CELSR1: variants seen among roughly 807,000 people sequenced by gnomAD.
CELSR1 encodes the protein cadherin EGF LAG seven-pass G-type receptor 1, also known as adhesion G protein-coupled receptor C1.
A neutral mutation model predicts 249.1 loss-of-function variants in CELSR1; 110 were observed. The observed-to-expected ratio is 0.44, with a 90% CI of 0.38 to 0.52. The LOEUF (loss-of-function observed/expected upper bound fraction) is 0.52. Among genes scored for constraint, CELSR1 ranks in the 20% least tolerant of loss-of-function variants. The pLI is 0.00. For missense variants in CELSR1, 4,109 were observed against 4,296.4 expected (o/e 0.96, Z 1.22); for synonymous variants, 2,113 against 1,900.0 (o/e 1.11, Z -2.92).
In CELSR1 at chr22:46,454,096, G is replaced by A. The variant is rs2079917716; in HGVS notation, c.4183+9611C>T. On this transcript the variant is annotated intron_variant, in intron 2 of 34. Transcript: ENST00000674500. This position sits in a 1 kb window ranked among gnomAD's most constrained non-coding sequence, Gnocchi z 5.1. The stretch of plus-strand genomic sequence containing the variant: ...TCACAAGGCTCCTTGTAAGCGGTGG[G>A]AGGGTGAGGGGCAGAAGGTGCTAGT... 6.6e-6 allele frequency among the ~76,000 whole-genome samples: 1 copy of A among 152,316 alleles called. No individual in the cohort carries two copies. Among genetic ancestry groups the A allele is most frequent in the Non-Finnish European group, 1.5e-5 (1 of 68,030 alleles).
At position 46,384,620 on chromosome 22, in the gene CELSR1, A is replaced by T; in HGVS notation, c.6806T>A (p.Ile2269Asn). Residue 2269 changes from isoleucine (I) to asparagine (N), a missense_variant, in exon 20 of 35, where the codon ATC becomes AAC. Around this residue, in one of 7 missense-constraint regions of CELSR1, gnomAD observed 1,805 missense variants for 1,831.6 expected, o/e 0.99. Coordinates refer to ENST00000674500, the MANE Select transcript of CELSR1 (RefSeq NM_001378328.1). ...CAGCTCCCTGGGGAACTCTTCATGGATGGTGTCGAATCGCGGGACCCTGGC... is the reference window on the plus strand; with the variant it reads ...CAGCTCCCTGGGGAACTCTTCATGGTTGGTGTCGAATCGCGGGACCCTGGC... Reference protein sequence around the residue: ...TGARVPRFDTIHEEFPRELES... With the variant: ...TGARVPRFDTNHEEFPRELES... The T allele has an allele frequency of 6.2e-7, 1 of 1,613,804 alleles. No homozygotes were observed. The highest frequency in any genetic ancestry group is 8.5e-7 in the Non-Finnish European group (1 of 1,179,874).
intron 1 of CELSR1, among the ~76,000 whole-genome samples, chr22:46,523,518 ACT>A (rs2080706389): frequency 7.0e-6 from 1 of 143,814 alleles, no homozygotes; most frequent in Admixed American, 7.2e-5. Context: ...CCAGAGTGAG[ACT>A]CTGTCTCAAA....
chr22:46,491,171 C>G (rs1053265163), intron 1 of CELSR1, among the ~76,000 whole-genome samples: 19 of 133,422 alleles, frequency 1.4e-4, no homozygotes, highest in African/African-American at 3.1e-5. Flanking sequence ...CTGTGACAAC[C>G]GAAACATCTC....
rs1411077288 is a variant in CELSR1 at position 46,437,333 on chromosome 22, G to A, written c.4407-1044C>T. Among the ~76,000 whole-genome samples, 1 of 152,178 alleles carries A rather than the reference G, an allele frequency of 6.6e-6. No homozygotes were observed. The highest frequency in any genetic ancestry group is 1.9e-4 in the East Asian group (1 of 5,188). On this transcript the variant is annotated intron_variant, in intron 3 of 34. Coordinates refer to ENST00000674500, the MANE Select transcript of CELSR1 (RefSeq NM_001378328.1). The surrounding 1 kb of genome is among the most constrained non-coding windows in gnomAD (Gnocchi z 4.9). ...TGGGACTGGCTCCTGAGCTGGCTGG[G>A]TGTCTCCACCATCAGAGATACACGG...
intron 18 of CELSR1, among the ~76,000 whole-genome samples, chr22:46,388,709 T>C (rs1435574748): frequency 6.6e-6 from 1 of 152,178 alleles, no homozygotes; most frequent in Non-Finnish European, 1.5e-5. Context: ...AGTTTCCAAA[T>C]ATCAGGCTGC....
Position 46,533,850 on chromosome 22 carries a change from G to A in CELSR1, c.3321C>T (p.Leu1107=), listed in dbSNP as rs754982415. ...ACTTGTTGGTGACATAGTTGTTGAA[G>A]AGGATCTGGAAGTCGGGCAGCACAG... ...NPPVLPDFQI[L]FNNYVTNKSN... The change falls in exon 1 of 35, where the codon CTC becomes CTT. Residue 1107 remains leucine (L), a synonymous_variant. Coordinates refer to ENST00000674500, the MANE Select transcript of CELSR1 (RefSeq NM_001378328.1). 7 of 1,613,940 alleles carry A rather than the reference G, an allele frequency of 4.3e-6. No individual in the cohort carries two copies. In the East Asian group the frequency reaches 6.7e-5, roughly 15 times the overall value.
chr22:46,523,992 C>T (rs565036889), intron 1 of CELSR1, among the ~76,000 whole-genome samples: 45 of 152,350 alleles, frequency 3.0e-4, no homozygotes, highest in African/African-American at 1.0e-3. Flanking sequence ...AACTCTCAGC[C>T]GTCCCGTTTC....
chr22:46,434,698 G>C lies in CELSR1; in HGVS notation c.4523-1217C>G, dbSNP rs2079637575. ...GGAGGAGATGGCAGAATTCACTCCT[G>C]AAAGTCAAGTGTGCCAGGCTGAGCC... On this transcript the variant is annotated intron_variant, in intron 4 of 34. Coordinates refer to ENST00000674500, the MANE Select transcript of CELSR1 (RefSeq NM_001378328.1). The surrounding 1 kb of genome is among the most constrained non-coding windows in gnomAD (Gnocchi z 4.9). Among the ~76,000 whole-genome samples, 1 of 152,192 alleles carries C rather than the reference G, an allele frequency of 6.6e-6. No homozygotes were observed. Among genetic ancestry groups the C allele is most frequent in the African/African-American group, 2.4e-5 (1 of 41,452 alleles).
Position 46,471,669 on chromosome 22 carries a change from T to A in CELSR1, c.3545-7324A>T, listed in dbSNP as rs2080156688. 6.6e-6 allele frequency among the ~76,000 whole-genome samples: 1 copy of A among 152,216 alleles called. No homozygotes were observed. Among genetic ancestry groups the A allele is most frequent in the African/African-American group, 2.4e-5 (1 of 41,462 alleles). ...CCTCAGCCTCCCAAAGTGCTGGGAT[T>A]CACGGGTGTGAGCCGCTGCCCCTGG... On this transcript the variant is annotated intron_variant, in intron 1 of 34. Transcript: ENST00000674500. This position sits in a 1 kb window ranked among gnomAD's most constrained non-coding sequence, Gnocchi z 4.9.
At chr22:46,392,290 T>A (rs2079101868) in intron 14 of CELSR1, among the ~76,000 whole-genome samples, 1 of 152,128 alleles carries the variant, frequency 6.6e-6, no homozygotes, top group African/African-American at 2.4e-5. Context: ...CCAGCTACAT[T>A]GCCTGGGCTG....
At chr22:46,420,680 C>T (rs1421366287) in intron 5 of CELSR1, among the ~76,000 whole-genome samples, 1 of 152,228 alleles carries the variant, frequency 6.6e-6, no homozygotes, top group Admixed American at 6.5e-5. Flanking sequence ...AAGTCATGGC[C>T]TGCTCCTGTA....
In CELSR1 at chr22:46,428,164, G is replaced by A. The variant is rs534851218; in HGVS notation, c.4611+5229C>T. 2.5e-4 allele frequency among the ~76,000 whole-genome samples: 38 copies of A among 152,282 alleles called. No individual in the cohort carries two copies. Among genetic ancestry groups the A allele is most frequent in the South Asian group, 1.9e-3 (9 of 4,820 alleles). On this transcript the variant is annotated intron_variant, in intron 5 of 34. Coordinates refer to ENST00000674500, the MANE Select transcript of CELSR1 (RefSeq NM_001378328.1). The surrounding 1 kb of genome is among the most constrained non-coding windows in gnomAD (Gnocchi z 5.7). The stretch of plus-strand genomic sequence containing the variant: ...GCCGGTCCTCCGGTTTGTTGCAACC[G>A]GGCCTCATGCTGTCTTTATAAAAGC...
intron 1 of CELSR1, among the ~76,000 whole-genome samples, chr22:46,497,100 G>T (rs2080421401): frequency 6.6e-6 from 1 of 152,122 alleles, no homozygotes; most frequent in Non-Finnish European, 1.5e-5. Context: ...GGCTGTGACT[G>T]CAAGGAGGCA....
At chr22:46,458,845 C>T (rs904593706) in intron 2 of CELSR1, among the ~76,000 whole-genome samples, 2 of 152,126 alleles carry the variant, frequency 1.3e-5, no homozygotes, top group African/African-American at 4.8e-5. Context: ...CCAGGACTTC[C>T]GTTCTTGGTC....
rs758367403 is a variant in CELSR1 at position 46,378,670 on chromosome 22, G to T, written c.7304C>A (p.Ser2435Tyr). The change falls in exon 23 of 35, where the codon TCC (serine) becomes TAC (tyrosine). Residue 2435 changes from serine to tyrosine, a missense_variant. Ser to Tyr is a moderately radical substitution (Grantham distance 144). Transcript: ENST00000674500. ...GCAGGCGACATGTGTCCGGTTCCTG[G>T]ACAGGAGCTCGCAGCCCCGGGCAGA... ...GWSARGCELL[S>Y]RNRTHVACQC... 3 of 1,611,526 alleles carry T rather than the reference G, an allele frequency of 1.9e-6. No homozygotes were observed. In the South Asian group the frequency reaches 3.3e-5, roughly 18 times the overall value.
At chr22:46,522,793 G>T (rs900369999) in intron 1 of CELSR1, among the ~76,000 whole-genome samples, 1 of 152,194 alleles carries the variant, frequency 6.6e-6, no homozygotes, top group Non-Finnish European at 1.5e-5. Context: ...TCCACCTTCG[G>T]AGGTCCAGAG....
Position 46,410,014 on chromosome 22 carries a change from C to G in CELSR1, c.4934-134G>C. 2 of 1,124,868 alleles carry G rather than the reference C, an allele frequency of 1.8e-6. No individual in the cohort carries two copies. The highest frequency in any genetic ancestry group is 2.5e-6 in the Non-Finnish European group (2 of 789,128). 69.7% of individuals were successfully genotyped at this position (1,124,868 alleles called of 1,614,324 possible). The stretch of plus-strand genomic sequence containing the variant: ...GAAGTCAGACCAGGTCTGAACGCCC[C>G]TGGCAACGGCAGGAACATGGGAACT... On this transcript the variant is annotated intron_variant, in intron 7 of 34. Coordinates refer to ENST00000674500, the MANE Select transcript of CELSR1 (RefSeq NM_001378328.1). This position sits in a 1 kb window ranked among gnomAD's most constrained non-coding sequence, Gnocchi z 6.8.
Position 46,488,380 on chromosome 22 carries a change from C to T in CELSR1, c.3545-24035G>A, listed in dbSNP as rs2080335939. The stretch of plus-strand genomic sequence containing the variant: ...GCCCTTCCTGCTCCTAAGCCCGCAG[C>T]TTCCCTGCTCGCCTACAGCCGGCGA... On this transcript the variant is annotated intron_variant, in intron 1 of 34. Transcript: ENST00000674500. This position sits in a 1 kb window ranked among gnomAD's most constrained non-coding sequence, Gnocchi z 4.7. Among the ~76,000 whole-genome samples the T allele has an allele frequency of 6.6e-6, 1 of 152,150 alleles. No individual in the cohort carries two copies. Among genetic ancestry groups the T allele is most frequent in the Non-Finnish European group, 1.5e-5 (1 of 68,002 alleles).
intron 5 of CELSR1, among the ~76,000 whole-genome samples, chr22:46,420,821 G>C (rs900251469): frequency 3.9e-5 from 6 of 152,120 alleles, no homozygotes; most frequent in Non-Finnish European, 8.8e-5. Flanking sequence ...TCCCACTAAG[G>C]GGTGACATGC....
Sources: gnomAD v4.1 joint callset for allele counts (sites outside exome capture counted in the v4.1 genomes callset) on GRCh38, gnomAD v4.1.1 for gene constraint, gnomAD v4.1.1 regional missense constraint, Gnocchi (gnomAD v3.1) non-coding constraint, MANE v1.5 for transcripts, NCBI Gene and HGNC (gene_info 2026-07-23, HGNC 2026-07-21) for gene names.